Variants in RBM8A observed in about 807,000 individuals in gnomAD.
RBM8A encodes RNA-binding protein 8A.
Under a neutral mutation model 25.1 loss-of-function variants are expected in RBM8A, and 8 were observed. The ratio of observed to expected loss-of-function variants is 0.32; its 90% CI spans 0.19 to 0.58. The LOEUF is 0.58. Ranked by LOEUF, RBM8A falls within the 20% of genes least tolerant of loss-of-function variation. The pLI is 0.88. For synonymous variants in RBM8A, 66 were observed against 80.0 expected, an observed-to-expected ratio of 0.82 and a Z score of 0.94; for missense variants, 114 against 236.8, an observed-to-expected ratio of 0.48 and a Z score of 3.40.
Position 145,924,414 on chromosome 1 carries a change from C to T in RBM8A, c.*1468G>A, listed in dbSNP as rs1647987511. 1 of 463,504 alleles carries T rather than the reference C, an allele frequency of 2.2e-6. No homozygotes were observed. 28.7% of individuals were successfully genotyped at this position (463,504 alleles called of 1,614,324 possible). ...TAATCCTTAACCCTAGACCTGTTGC[C>T]TCTAGCATCATTTATTTATCTACCT... On this transcript the variant is annotated 3_prime_UTR_variant, in exon 6 of 6. Transcript: ENST00000583313.
At chr1:145,926,457 G>A in intron 4 of RBM8A, 25 bp downstream of exon 4, 2 of 1,612,218 alleles carry the variant, frequency 1.2e-6, no homozygotes, top group South Asian at 1.1e-5. Context: ...AAAGAAAGGA[G>A]GCAATAAAGT....
rs1224933720 is a variant in RBM8A, at chr1:145,924,013, A to G, written c.*1869T>C. ...AAGATATATTTCCAACTTCTTTAAC[A>G]TGGCACCATGGATGAACTGTTTCTC... On this transcript the variant is annotated 3_prime_UTR_variant, in exon 6 of 6. Coordinates refer to ENST00000583313, the MANE Select transcript of RBM8A (RefSeq NM_005105.5). 3.2e-6 allele frequency: 2 copies of G among 632,866 alleles called. No individual in the cohort carries two copies. Among genetic ancestry groups the G allele is most frequent in the Admixed American group, 2.6e-5 (1 of 37,968 alleles). 39.2% of individuals were successfully genotyped at this position (632,866 alleles called of 1,614,324 possible).
rs1647915559 is a variant in RBM8A, at chr1:145,923,367, G to C, written c.*2515C>G. The stretch of plus-strand genomic sequence containing the variant: ...GAAAGACCATTTCCCAACTAGCTCA[G>C]AGTAGCCTGATCGTAACTCCAAACA... On this transcript the variant is annotated 3_prime_UTR_variant, in exon 6 of 6. Coordinates refer to ENST00000583313, the MANE Select transcript of RBM8A (RefSeq NM_005105.5). 2 of 152,224 alleles carry C rather than the reference G, an allele frequency of 1.3e-5. No homozygotes were observed. The highest frequency in any genetic ancestry group is 4.8e-5 in the African/African-American group (2 of 41,356). 9.4% of individuals were successfully genotyped at this position (152,224 alleles called of 1,614,324 possible).
At chr1:145,927,171 C>A in intron 1 of RBM8A, 94 bp from the exon 2 acceptor site, 1 of 1,529,692 alleles carries the variant, frequency 6.5e-7, no homozygotes, top group Non-Finnish European at 9.0e-7. Context: ...CCGACCCACA[C>A]CGCCTCCAGT....
At position 145,927,316 on chromosome 1, in the gene RBM8A, T is replaced by C. The variant is rs375247892; in HGVS notation, c.67+44A>G. The C allele has an allele frequency of 2.6e-3, 4,173 of 1,593,806 alleles. 9 individuals carry two copies. Among genetic ancestry groups the C allele is most frequent in the Non-Finnish European group, 3.2e-3 (3,700 of 1,168,136 alleles). ...TAAATTTTCCTATTATAGCCTTCTC[T>C]CGCACCTTCCCCGCTTCCCACCAGC... On this transcript the variant is annotated intron_variant, in intron 1 of 5. Transcript: ENST00000583313.
intron 2 of RBM8A, 27 bp from the exon 3 acceptor site, chr1:145,926,913 G>A (rs367834398): frequency 3.7e-6 from 6 of 1,613,928 alleles, no homozygotes; most frequent in Middle Eastern, 1.7e-4. Flanking sequence ...CGAGATCACC[G>A]AAAACTCCTC....
rs781928920 is a variant in RBM8A, at chr1:145,927,459, T to C, written c.-33A>G. 1 of 1,598,232 alleles carries C rather than the reference T, an allele frequency of 6.3e-7. No homozygotes were observed. Among genetic ancestry groups the C allele is most frequent in the East Asian group, 2.2e-5 (1 of 44,560 alleles). On this transcript the variant is annotated 5_prime_UTR_variant, in exon 1 of 6. Coordinates refer to ENST00000583313, the MANE Select transcript of RBM8A (RefSeq NM_005105.5). ...TCGATCGAGATCTCGTCTGTGCCGC[T>C]CAGACACTAGGTACCTCGGGAAACT...
Position 145,924,339 on chromosome 1 carries a change from G to T in RBM8A, c.*1543C>A. The T allele has an allele frequency of 2.0e-6, 1 of 499,578 alleles. No homozygotes were observed. The highest frequency in any genetic ancestry group is 6.0e-5 in the East Asian group (1 of 16,538). 30.9% of individuals were successfully genotyped at this position (499,578 alleles called of 1,614,324 possible). ...AGCCGCATTGTCCTCAGTGTGTCCA[G>T]GCCCCAGACAAGGAAGGGGAGCCAT... On this transcript the variant is annotated 3_prime_UTR_variant, in exon 6 of 6. Coordinates refer to ENST00000583313, the MANE Select transcript of RBM8A (RefSeq NM_005105.5).
chr1:145,925,818 A>C lies in RBM8A; in HGVS notation c.*64T>G, dbSNP rs1553755742. The stretch of plus-strand genomic sequence containing the variant: ...ACACAGCAAGTTCCACCCCAGTCCT[A>C]TTTGTCCAAGGCTGCATGGTCAAAT... On this transcript the variant is annotated 3_prime_UTR_variant, in exon 6 of 6. Transcript: ENST00000583313. 1.3e-6 allele frequency: 2 copies of C among 1,529,574 alleles called. No individual in the cohort carries two copies. Among genetic ancestry groups the C allele is most frequent in the South Asian group, 1.1e-5 (1 of 89,028 alleles). 94.8% of individuals were successfully genotyped at this position (1,529,574 alleles called of 1,614,324 possible).
At position 145,922,182 on chromosome 1, in the gene RBM8A, C is replaced by T. The variant is rs887084772; in HGVS notation, c.*3700G>A. 6.6e-6 allele frequency: 1 copy of T among 151,482 alleles called. No homozygotes were observed. The highest frequency in any genetic ancestry group is 1.9e-4 in the East Asian group (1 of 5,164). The allele number at this position is 151,482 out of a possible 1,614,324, so 9.4% of individuals were successfully genotyped here. On this transcript the variant is annotated 3_prime_UTR_variant, in exon 6 of 6. Coordinates refer to ENST00000583313, the MANE Select transcript of RBM8A (RefSeq NM_005105.5). ...GAGGCTGCAGTGAGCCAAGACTGCA[C>T]CACTGCACTCCGGCGTGGGCGGCAG... is the stretch of plus-strand genomic sequence containing the variant.
In RBM8A at chr1:145,923,606, G is replaced by C. The variant is rs1208570510; in HGVS notation, c.*2276C>G. ...GAAATAGTTTTTACTGATTCAGTTG[G>C]AAAACCCAGCAATTTAACAAAAAGG... is the stretch of plus-strand genomic sequence containing the variant. On this transcript the variant is annotated 3_prime_UTR_variant, in exon 6 of 6. Transcript: ENST00000583313. 1 of 291,576 alleles carries C rather than the reference G, an allele frequency of 3.4e-6. No homozygotes were observed. The highest frequency in any genetic ancestry group is 6.4e-6 in the Non-Finnish European group (1 of 157,120). The allele number at this position is 291,576 out of a possible 1,614,324, so 18.1% of individuals were successfully genotyped here. A position where few individuals can be genotyped will look rare whatever the true frequency, so the allele number is the denominator to read the frequency against.
rs1647893994 is a variant in RBM8A at position 145,923,150 on chromosome 1, C to T, written c.*2732G>A. ...TTCACTGTGTTAGCCAGGATGGTCT[C>T]CATCTCCTAACCTCGTGATCCGCCC... On this transcript the variant is annotated 3_prime_UTR_variant, in exon 6 of 6. Coordinates refer to ENST00000583313, the MANE Select transcript of RBM8A (RefSeq NM_005105.5). 6.6e-6 allele frequency: 1 copy of T among 152,202 alleles called. No individual in the cohort carries two copies. The highest frequency in any genetic ancestry group is 1.5e-5 in the Non-Finnish European group (1 of 68,152). 9.4% of individuals were successfully genotyped at this position (152,202 alleles called of 1,614,324 possible).
intron 4 of RBM8A, 127 bp from the exon 5 acceptor site, chr1:145,926,304 C>T: frequency 2.8e-6 from 4 of 1,439,606 alleles, no homozygotes; most frequent in Non-Finnish European, 1.9e-6. Context: ...CATCATATAT[C>T]TCTACTGTAT....
Position 145,926,086 on chromosome 1 carries a change from C to A in RBM8A, c.434G>T (p.Ser145Ile). ...ACCCCGAACAAAACACCAGTCAACG[C>A]TGATGGGCTGTCCCATCAAATCCTG... Reference protein sequence around the residue: ...NGQDLMGQPISVDWCFVRGPP... With the variant: ...NGQDLMGQPIIVDWCFVRGPP... Residue 145 changes from serine (S) to isoleucine (I), a missense_variant, in exon 5 of 6, where the codon AGC becomes ATC. By Grantham distance (142) the Ser-to-Ile change is moderately radical (BLOSUM62 -2). Coordinates refer to ENST00000583313, the MANE Select transcript of RBM8A (RefSeq NM_005105.5). 2 of 1,614,238 alleles carry A rather than the reference C, an allele frequency of 1.2e-6. No homozygotes were observed. The highest frequency in any genetic ancestry group is 1.7e-6 in the Non-Finnish European group (2 of 1,180,040).
In RBM8A at chr1:145,927,019, G is replaced by A. The variant is rs781998714; in HGVS notation, c.126C>T (p.Ser42=). Residue 42 remains serine, a splice_region_variant and synonymous_variant, in exon 2 of 6, where the codon TCC becomes TCT. Transcript: ENST00000583313. ...CTACCCCATTTTCCCCACACTCACCGGAGCCAAAGCCGCGACCCTTCCGTT... is the reference window on the plus strand; with the variant it reads ...CTACCCCATTTTCCCCACACTCACCAGAGCCAAAGCCGCGACCCTTCCGTT... ...AKKRKGRGFG[S]EEGSRARMRE... 3.5e-5 allele frequency: 56 copies of A among 1,613,984 alleles called. 1 individual carries two copies. The South Asian group carries it at 4.9e-4, about 14-fold the overall frequency.
rs1647871467 is a variant in RBM8A at position 145,922,866 on chromosome 1, TA to T, written c.*3015del. The T allele has an allele frequency of 6.6e-6, 1 of 151,858 alleles. No homozygotes were observed. The highest frequency in any genetic ancestry group is 1.9e-4 in the East Asian group (1 of 5,194). The allele number at this position is 151,858 out of a possible 1,614,324, so 9.4% of individuals were successfully genotyped here. On this transcript the variant is annotated 3_prime_UTR_variant, in exon 6 of 6. Transcript: ENST00000583313. ...CGTGGTAAATGGCAATAAAACAGGATAAAGGAAAGATCAAAACAAGGCTGTG... is the reference window on the plus strand; with the variant it reads ...CGTGGTAAATGGCAATAAAACAGGATAAGGAAAGATCAAAACAAGGCTGTG...
intron 1 of RBM8A, 42 bp from the exon 2 acceptor site, chr1:145,927,119 C>T (rs1181170930): frequency 2.5e-6 from 4 of 1,599,958 alleles, no homozygotes; most frequent in African/African-American, 1.3e-5. Flanking sequence ...CTATGACAGT[C>T]ATTTGTAACA....
intron 4 of RBM8A, 113 bp from the exon 5 acceptor site, chr1:145,926,290 T>C: frequency 1.4e-6 from 2 of 1,481,074 alleles, no homozygotes; most frequent in Non-Finnish European, 1.9e-6. Context: ...AAACAATGAA[T>C]GTACATCATA....
chr1:145,926,458 G>A, intron 4 of RBM8A, 24 bp downstream of exon 4: 1 of 1,612,264 alleles, frequency 6.2e-7, no homozygotes, highest in South Asian at 1.1e-5. Context: ...AAGAAAGGAG[G>A]CAATAAAGTG....
Sources: allele counts gnomAD v4.1 joint callset, GRCh38; gene constraint gnomAD v4.1.1; transcripts MANE v1.5; gene names NCBI Gene and HGNC (gene_info 2026-07-23, HGNC 2026-07-21).